Variants in EFEMP1 observed in about 807,000 individuals in gnomAD.
EFEMP1 encodes the protein EGF-containing fibulin-like extracellular matrix protein 1.
In EFEMP1, 18 loss-of-function variants were observed where a neutral mutation model predicts 65.7. The ratio of observed to expected loss-of-function variants is 0.27; its 90% CI spans 0.19 to 0.41. EFEMP1 has a LOEUF of 0.41. Ranked by LOEUF, EFEMP1 falls within the 10% of genes least tolerant of loss-of-function variation. The pLI, the probability that EFEMP1 is intolerant of heterozygous loss-of-function variation, is 1.00. For missense variants in EFEMP1, 469 were observed against 624.8 expected (o/e 0.75, Z 2.66); for synonymous variants, 237 against 219.7 (o/e 1.08, Z -0.70).
chr2:55,896,206 G>GT (rs1200356539), intron 5 of EFEMP1, among the ~76,000 whole-genome samples: 2 of 152,210 alleles, frequency 1.3e-5, no homozygotes, highest in Non-Finnish European at 2.9e-5. Flanking sequence ...CGCTTCCATA[G>GT]TATTTACACA....
chr2:55,880,305 C>T (rs556897500), intron 6 of EFEMP1, among the ~76,000 whole-genome samples: 2 of 152,170 alleles, frequency 1.3e-5, no homozygotes, highest in Non-Finnish European at 2.9e-5. Flanking sequence ...ATTAAAAGGG[C>T]TGTGACCGTA....
intron 5 of EFEMP1, among the ~76,000 whole-genome samples, chr2:55,908,724 A>G (rs1478298968): frequency 1.3e-5 from 2 of 152,198 alleles, no homozygotes; most frequent in Non-Finnish European, 2.9e-5. Flanking sequence ...AAATAAAATT[A>G]TAAAAACAAA....
chr2:55,890,553 T>G (rs1669593127), intron 5 of EFEMP1, among the ~76,000 whole-genome samples: 1 of 152,094 alleles, frequency 6.6e-6, no homozygotes, highest in African/African-American at 2.4e-5. Context: ...TATGCTGGCA[T>G]TAAAGTAAGT....
In EFEMP1 at chr2:55,870,199, T is replaced by G. The variant is rs865984160; in HGVS notation, c.1320+521A>C. Among the ~76,000 whole-genome samples the G allele has an allele frequency of 1.3e-5, 2 of 152,232 alleles. No homozygotes were observed. Among genetic ancestry groups the G allele is most frequent in the Middle Eastern group, 3.4e-3 (1 of 294 alleles). ...TCTCACATACTTATAGGTTTTAGTT[T>G]CGGTGTGAACACAAACTGTCTTGTG... is the stretch of plus-strand genomic sequence containing the variant. On this transcript the variant is annotated intron_variant, in intron 11 of 11. Transcript: ENST00000355426. This position sits in a 1 kb window ranked among gnomAD's most constrained non-coding sequence, Gnocchi z 5.8.
chr2:55,913,791 T>C (rs570174242), intron 5 of EFEMP1, among the ~76,000 whole-genome samples: 1 of 152,094 alleles, frequency 6.6e-6, no homozygotes, highest in Admixed American at 6.6e-5. Flanking sequence ...GGGCACATCA[T>C]CTGAGGTCAG....
chr2:55,889,832 A>T (rs941795478), intron 5 of EFEMP1, among the ~76,000 whole-genome samples: 4 of 151,810 alleles, frequency 2.6e-5, no homozygotes, highest in South Asian at 2.1e-4. Context: ...GGTAAAAAAA[A>T]AAAATAAAAC....
rs1239317786 is a variant in EFEMP1 at position 55,886,148 on chromosome 2, G to C, written c.518-4414C>G. Among the ~76,000 whole-genome samples, 5 of 152,198 alleles carry C rather than the reference G, an allele frequency of 3.3e-5. No homozygotes were observed. The highest frequency in any genetic ancestry group is 7.3e-5 in the Non-Finnish European group (5 of 68,030). On this transcript the variant is annotated intron_variant, in intron 5 of 11. Coordinates refer to ENST00000355426, the MANE Select transcript of EFEMP1 (RefSeq NM_001039348.3). The surrounding 1 kb of genome is among the most constrained non-coding windows in gnomAD (Gnocchi z 4.0). ...GAGAATGCACTAGTAATAGGACAAA[G>C]AAGACTGAAATTATTTTGAATCTGT...
chr2:55,914,659 TA>T (rs979520816), intron 5 of EFEMP1, among the ~76,000 whole-genome samples: 3 of 152,290 alleles, frequency 2.0e-5, no homozygotes, highest in Admixed American at 6.5e-5. Flanking sequence ...CTATACCTGC[TA>T]AAAAATATAC....
rs542955832 is a variant in EFEMP1 at position 55,870,224 on chromosome 2, G to C, written c.1320+496C>G. 1.1e-4 allele frequency among the ~76,000 whole-genome samples: 16 copies of C among 152,084 alleles called. No individual in the cohort carries two copies. Among genetic ancestry groups the C allele is most frequent in the Non-Finnish European group, 2.2e-4 (15 of 68,008 alleles). On this transcript the variant is annotated intron_variant, in intron 11 of 11. Transcript: ENST00000355426. The surrounding 1 kb of genome is among the most constrained non-coding windows in gnomAD (Gnocchi z 5.8). ...TCGGTGTGAACACAAACTGTCTTGT[G>C]AATGTAACAATGATGAATTCATGAT...
intron 5 of EFEMP1, among the ~76,000 whole-genome samples, chr2:55,890,316 C>T (rs1669585323): frequency 6.6e-6 from 1 of 151,728 alleles, no homozygotes; most frequent in Admixed American, 6.6e-5. Context: ...CATATAGGCT[C>T]AGTATAGACA....
intron 5 of EFEMP1, among the ~76,000 whole-genome samples, chr2:55,912,877 C>T (rs1670531708): frequency 6.6e-6 from 1 of 151,984 alleles, no homozygotes; most frequent in Non-Finnish European, 1.5e-5. Context: ...GAAAAGATTG[C>T]TAACTTTCCC....
intron 6 of EFEMP1, among the ~76,000 whole-genome samples, chr2:55,878,698 T>C (rs1360061511): frequency 6.6e-6 from 1 of 152,026 alleles, no homozygotes; most frequent in Non-Finnish European, 1.5e-5. Context: ...TGCTGGGCTC[T>C]TTTGGTACTT....
chr2:55,874,043 C>T (rs1668926611), intron 9 of EFEMP1, among the ~76,000 whole-genome samples: 1 of 149,344 alleles, frequency 6.7e-6, no homozygotes, highest in African/African-American at 2.5e-5. Flanking sequence ...GTATGTTATT[C>T]CACTAAATTC....
In EFEMP1 at chr2:55,871,658, A is replaced by G. The variant is rs1668815168; in HGVS notation, c.1001-535T>C. On this transcript the variant is annotated intron_variant, in intron 9 of 11. Transcript: ENST00000355426. This position sits in a 1 kb window ranked among gnomAD's most constrained non-coding sequence, Gnocchi z 4.2. ...TGGCTGGGGCAGGGAAGGCTTTCCAAGCTGAGAAATCAGGAAGCATAAACT... is the reference window on the plus strand; with the variant it reads ...TGGCTGGGGCAGGGAAGGCTTTCCAGGCTGAGAAATCAGGAAGCATAAACT... Among the ~76,000 whole-genome samples, 1 of 152,098 alleles carries G rather than the reference A, an allele frequency of 6.6e-6. No individual in the cohort carries two copies. Among genetic ancestry groups the G allele is most frequent in the Non-Finnish European group, 1.5e-5 (1 of 68,006 alleles).
Position 55,923,679 on chromosome 2 carries a change from G to A in EFEMP1, c.-49+32C>T. ...GCGCGGCCCAGTGAGTACTGGGCTC[G>A]CTCGGGGCGACCCCCCGTTGGGGGC... On this transcript the variant is annotated intron_variant, in intron 1 of 11. Coordinates refer to ENST00000355426, the MANE Select transcript of EFEMP1 (RefSeq NM_001039348.3). This position sits in a 1 kb window ranked among gnomAD's most constrained non-coding sequence, Gnocchi z 5.3. The A allele has an allele frequency of 1.0e-6, 1 of 985,732 alleles. No homozygotes were observed. Among genetic ancestry groups the A allele is most frequent in the Non-Finnish European group, 1.2e-6 (1 of 830,298 alleles). 61.1% of individuals were successfully genotyped at this position (985,732 alleles called of 1,614,324 possible). A position where few individuals can be genotyped will look rare whatever the true frequency, so the allele number is the denominator to read the frequency against.
In EFEMP1 at chr2:55,876,774, A is replaced by G. The variant is rs372765157; in HGVS notation, c.761-32T>C. 3.6e-4 allele frequency: 434 copies of G among 1,216,286 alleles called. 1 individual carries two copies. The highest frequency in any genetic ancestry group is 1.5e-3 in the Middle Eastern group (6 of 3,936). 75.3% of individuals were successfully genotyped at this position (1,216,286 alleles called of 1,614,324 possible). A position where few individuals can be genotyped will look rare whatever the true frequency, so the allele number is the denominator to read the frequency against. On this transcript the variant is annotated intron_variant, in intron 7 of 11. Coordinates refer to ENST00000355426, the MANE Select transcript of EFEMP1 (RefSeq NM_001039348.3). ...AAAAGTTTTATATATATATATATGTATATGTATATATATACACACACATAT... is the reference window on the plus strand; with the variant it reads ...AAAAGTTTTATATATATATATATGTGTATGTATATATATACACACACATAT...
chr2:55,873,250 A>G lies in EFEMP1; in HGVS notation c.1000+1696T>C, dbSNP rs1668891268. Among the ~76,000 whole-genome samples the G allele has an allele frequency of 6.6e-6, 1 of 152,088 alleles. No homozygotes were observed. Among genetic ancestry groups the G allele is most frequent in the African/African-American group, 2.4e-5 (1 of 41,442 alleles). On this transcript the variant is annotated intron_variant, in intron 9 of 11. Coordinates refer to ENST00000355426, the MANE Select transcript of EFEMP1 (RefSeq NM_001039348.3). The surrounding 1 kb of genome is among the most constrained non-coding windows in gnomAD (Gnocchi z 4.6). ...AGGAACGATTTCCGTAGGAGAAAGC[A>G]ATTGCTTTATACTTTAGAAGAATGC...
At position 55,921,581 on chromosome 2, in the gene EFEMP1, C is replaced by T. The variant is rs1221341076; in HGVS notation, c.81+779G>A. Among the ~76,000 whole-genome samples the T allele has an allele frequency of 6.6e-6, 1 of 152,200 alleles. No individual in the cohort carries two copies. Among genetic ancestry groups the T allele is most frequent in the Non-Finnish European group, 1.5e-5 (1 of 68,038 alleles). On this transcript the variant is annotated intron_variant, in intron 3 of 11. Coordinates refer to ENST00000355426, the MANE Select transcript of EFEMP1 (RefSeq NM_001039348.3). The surrounding 1 kb of genome is among the most constrained non-coding windows in gnomAD (Gnocchi z 4.1). ...AGAAAACACAGAACAGAGGTGCAAA[C>T]AAACTCACCAGAAGTGAAGTCAGTA...
rs974974647 is a variant in EFEMP1, at chr2:55,922,628, A to C, written c.-7-181T>G. 3.1e-6 allele frequency: 2 copies of C among 643,184 alleles called. No homozygotes were observed. The allele number at this position is 643,184 out of a possible 1,614,324, so 39.8% of individuals were successfully genotyped here. A position where few individuals can be genotyped will look rare whatever the true frequency, so the allele number is the denominator to read the frequency against. ...CCTGAACCTTCTCGGTAGCCAACGA[A>C]CGAGGCAGCAAAGACGTAAAAACTG... On this transcript the variant is annotated intron_variant, in intron 2 of 11. Coordinates refer to ENST00000355426, the MANE Select transcript of EFEMP1 (RefSeq NM_001039348.3). This position sits in a 1 kb window ranked among gnomAD's most constrained non-coding sequence, Gnocchi z 5.5.
Sources: allele counts gnomAD v4.1 joint callset (sites outside exome capture counted in the v4.1 genomes callset), GRCh38; gene constraint gnomAD v4.1.1; non-coding constraint Gnocchi (gnomAD v3.1); transcripts MANE v1.5; gene names NCBI Gene and HGNC (gene_info 2026-07-23, HGNC 2026-07-21).